FAM53C: variants seen among roughly 807,000 people sequenced by gnomAD.
FAM53C encodes the protein family with sequence similarity 53 member C.
A neutral mutation model predicts 34.7 loss-of-function variants in FAM53C; 10 were observed. The observed-to-expected ratio is 0.29, with a 90% CI of 0.18 to 0.49. The LOEUF is 0.49. Ranked by LOEUF, FAM53C falls within the 20% of genes least tolerant of loss-of-function variation. The pLI is 0.99. For synonymous variants in FAM53C, 203 were observed against 203.6 expected (o/e 1.00, Z 0.03); for missense variants, 442 against 515.3 (o/e 0.86, Z 1.38).
upstream of FAM53C, chr5:138,337,810 T>G: frequency 4.5e-6 from 2 of 448,596 alleles, no homozygotes; most frequent in South Asian, 3.8e-5. Context: ...GGAAGGGGGA[T>G]TCCTTCGAAG....
chr5:138,345,299 G>A lies in FAM53C; in HGVS notation c.611G>A (p.Arg204Gln), dbSNP rs539762304. Residue 204 changes from arginine to glutamine, a missense_variant, in exon 4 of 5, where the codon CGA (arginine) becomes CAA (glutamine). Physicochemically the swap from Arg to Gln is conservative, Grantham distance 43. Transcript: ENST00000239906. This position sits in a 1 kb window ranked among gnomAD's most constrained non-coding sequence, Gnocchi z 6.3. ...CTGGCCCTGGCCCAAGATTCCTCTC[G>A]ACCCTGCGCCGCCTCCCCTCAAAGT... ...FSLALAQDSS[R>Q]PCAASPQSGS... The A allele has an allele frequency of 6.8e-6, 11 of 1,614,140 alleles. No individual in the cohort carries two copies. Among genetic ancestry groups the A allele is most frequent in the African/African-American group, 6.7e-5 (5 of 75,044 alleles).
intron 3 of FAM53C, among the ~76,000 whole-genome samples, chr5:138,344,325 G>A (rs1019802254): frequency 1.3e-5 from 2 of 152,350 alleles, no homozygotes; most frequent in East Asian, 1.9e-4. Context: ...CTTCTTGGCA[G>A]TCCTAACTCC....
At position 138,341,352 on chromosome 5, in the gene FAM53C, C is replaced by T. The variant is rs773296004; in HGVS notation, c.17C>T (p.Thr6Ile). ...GGGAGAATCATGATAACCCTGATCA[C>T]TGAGCAGCTACAGAAGCAGACTCTG... MITLI[T>I]EQLQKQTLDE... The change falls in exon 2 of 5, where the codon ACT (threonine) becomes ATT (isoleucine). Residue 6 changes from threonine to isoleucine, a missense_variant. Thr to Ile is a moderately conservative substitution (Grantham distance 89). Transcript: ENST00000239906. 1 of 1,614,100 alleles carries T rather than the reference C, an allele frequency of 6.2e-7. No homozygotes were observed. The highest frequency in any genetic ancestry group is 8.5e-7 in the Non-Finnish European group (1 of 1,179,940).
At chr5:138,340,339 T>C (rs1580852905) in intron 1 of FAM53C, among the ~76,000 whole-genome samples, 1 of 152,366 alleles carries the variant, frequency 6.6e-6, no homozygotes, top group East Asian at 1.9e-4. Flanking sequence ...AGCTGTCAGC[T>C]TGCTGCTCAT....
chr5:138,341,604 G>A (rs1359075835), intron 2 of FAM53C, 191 bp downstream of exon 2: 6 of 735,940 alleles, frequency 8.2e-6, no homozygotes, highest in Non-Finnish European at 1.4e-5. Context: ...AGAAGGGACA[G>A]CAAAACTTGG....
chr5:138,338,970 G>A (rs1445665256), intron 1 of FAM53C, among the ~76,000 whole-genome samples: 1 of 152,164 alleles, frequency 6.6e-6, no homozygotes, highest in African/African-American at 2.4e-5. Context: ...GGAGTGTCAG[G>A]GGTTACTGCC....
intron 1 of FAM53C, among the ~76,000 whole-genome samples, chr5:138,338,508 C>T (rs959035893): frequency 6.6e-6 from 1 of 152,058 alleles, no homozygotes; most frequent in Non-Finnish European, 1.5e-5. Flanking sequence ...TCCCCTGCGT[C>T]CTGAGTTCGC....
Position 138,345,220 on chromosome 5 carries a change from G to A in FAM53C, c.532G>A (p.Ala178Thr). Residue 178 changes from alanine to threonine, a missense_variant, in exon 4 of 5, where the codon GCC becomes ACC. Physicochemically the swap from Ala to Thr is moderately conservative, Grantham distance 58. Coordinates refer to ENST00000239906, the MANE Select transcript of FAM53C (RefSeq NM_016605.3). This position sits in a 1 kb window ranked among gnomAD's most constrained non-coding sequence, Gnocchi z 6.3. Reference sequence around the variant, plus strand: ...CCTCAGGTTCCTCCAAGCTCCCAGTGCCTCTTCTCAATGTGCCCCAGCTCA... The same window carrying A: ...CCTCAGGTTCCTCCAAGCTCCCAGTACCTCTTCTCAATGTGCCCCAGCTCA... ...SSLRFLQAPS[A>T]SSQCAPAHRP... 6.2e-7 allele frequency: 1 copy of A among 1,614,190 alleles called. No individual in the cohort carries two copies. The highest frequency in any genetic ancestry group is 1.6e-4 in the Middle Eastern group (1 of 6,062).
intron 3 of FAM53C, 184 bp downstream of exon 3, chr5:138,342,050 C>G: frequency 1.8e-6 from 1 of 569,704 alleles, no homozygotes; most frequent in East Asian, 2.8e-5. Flanking sequence ...TTGGTTTGCT[C>G]TTATTCTAGC....
chr5:138,338,121 T>A, upstream of FAM53C: 1 of 1,289,660 alleles, frequency 7.8e-7, no homozygotes, highest in Non-Finnish European at 1.0e-6. Context: ...GAGAGACACT[T>A]TGAGAGAGAC....
intron 1 of FAM53C, 51 bp downstream of exon 1, chr5:138,338,358 CCGT>C: frequency 2.4e-6 from 1 of 417,554 alleles, no homozygotes. Flanking sequence ...GGCACCTCAA[CCGT>C]CCCTCCCTCC....
In FAM53C at chr5:138,346,141, C is replaced by T. The variant is rs140293415; in HGVS notation, c.921+532C>T. 1.9e-3 allele frequency among the ~76,000 whole-genome samples: 283 copies of T among 152,272 alleles called. 1 individual carries two copies. The highest frequency in any genetic ancestry group is 6.6e-3 in the African/African-American group (274 of 41,552). On this transcript the variant is annotated intron_variant, in intron 4 of 4. Transcript: ENST00000239906. ...TTTTTTCATATTATTCTTTCTAGACCACTAGGTTACAAACCTCTTTAAGAA... is the reference window on the plus strand; with the variant it reads ...TTTTTTCATATTATTCTTTCTAGACTACTAGGTTACAAACCTCTTTAAGAA...
chr5:138,343,971 G>T, intron 3 of FAM53C, among the ~76,000 whole-genome samples: 1 of 152,138 alleles, frequency 6.6e-6, no homozygotes, highest in Non-Finnish European at 1.5e-5. Context: ...CAAATATCCA[G>T]CCCCTGCAGA....
intron 3 of FAM53C, among the ~76,000 whole-genome samples, chr5:138,343,944 A>C (rs1166458534): frequency 6.6e-6 from 1 of 152,192 alleles, no homozygotes; most frequent in Non-Finnish European, 1.5e-5. Context: ...CTGACTTCGT[A>C]TACTTGTCGT....
At chr5:138,338,256 C>T, upstream of FAM53C, 2 of 1,100,316 alleles carry the variant, frequency 1.8e-6, no homozygotes, top group Non-Finnish European at 2.5e-6. Context: ...GTGGGGCGAA[C>T]CGAGCGCTCA....
At chr5:138,339,874 C>T (rs1760978787) in intron 1 of FAM53C, among the ~76,000 whole-genome samples, 1 of 152,216 alleles carries the variant, frequency 6.6e-6, no homozygotes, top group Non-Finnish European at 1.5e-5. Flanking sequence ...TTGTGCCCTC[C>T]TTCTAAGGTG....
chr5:138,338,161 G>T, upstream of FAM53C: 1 of 1,289,660 alleles, frequency 7.8e-7, no homozygotes, highest in Non-Finnish European at 1.0e-6. Flanking sequence ...TCCATGGGTG[G>T]CTTGGGGGGA....
chr5:138,337,808 G>GA (rs1760815921), upstream of FAM53C: 7 of 443,900 alleles, frequency 1.6e-5, no homozygotes, highest in Admixed American at 1.5e-4. Context: ...GGGGAAGGGG[G>GA]ATTCCTTCGA....
At position 138,344,883 on chromosome 5, in the gene FAM53C, C is replaced by T. The variant is rs757493238; in HGVS notation, c.195C>T (p.Leu65=). Reference sequence around the variant, plus strand: ...CCTGTGCTGAGTTCCAGGACAGCCTCAACTTCAGCTACCATCCCTCAGGCC... The same window carrying T: ...CCTGTGCTGAGTTCCAGGACAGCCTTAACTTCAGCTACCATCCCTCAGGCC... The part of the protein sequence containing the change: ...HCSCAEFQDS[L]NFSYHPSGLS... The change falls in exon 4 of 5, where the codon CTC becomes CTT. Residue 65 remains leucine (L), a synonymous_variant. Coordinates refer to ENST00000239906, the MANE Select transcript of FAM53C (RefSeq NM_016605.3). The T allele has an allele frequency of 9.9e-6, 16 of 1,611,416 alleles. No individual in the cohort carries two copies. The highest frequency in any genetic ancestry group is 1.4e-5 in the Non-Finnish European group (16 of 1,178,876).
Sources: allele counts gnomAD v4.1 joint callset (sites outside exome capture counted in the v4.1 genomes callset), GRCh38; gene constraint gnomAD v4.1.1; non-coding constraint Gnocchi (gnomAD v3.1); transcripts MANE v1.5; gene names NCBI Gene and HGNC (gene_info 2026-07-23, HGNC 2026-07-21).